The following PRR16 variants were observed in gnomAD, a reference collection of about 807,000 sequenced individuals.
PRR16 encodes proline rich 16.
In PRR16, 6 loss-of-function variants were observed where a neutral mutation model predicts 18.2. The ratio of observed to expected loss-of-function variants is 0.33; its 90% CI spans 0.18 to 0.65. The LOEUF (loss-of-function observed/expected upper bound fraction) is 0.65. PRR16 is among the 30% of genes least tolerant of loss of function. The probability of loss-of-function intolerance (pLI) is 0.74; values close to 1 mark genes in which losing one functional copy is unlikely to be tolerated. For synonymous variants in PRR16, 151 were observed against 147.8 expected (o/e 1.02, Z -0.16); for missense variants, 412 against 376.6 (o/e 1.09, Z -0.78).
chr5:120,643,197 AC>A (rs60833257), intron 1 of PRR16, among the ~76,000 whole-genome samples: 65,903 of 150,274 alleles, frequency 0.44, 14,924 homozygotes, highest in Middle Eastern at 0.56. Flanking sequence ...CTAAAAAAAA[AC>A]AAAACAAAAC....
At chr5:120,532,781 GA>G (rs1306553769) in intron 1 of PRR16, among the ~76,000 whole-genome samples, 2 of 151,648 alleles carry the variant, frequency 1.3e-5, no homozygotes. Flanking sequence ...GAATTTTTAG[GA>G]AAAAATTCAC....
chr5:120,769,919 A>C, the PRR16 span, among the ~76,000 whole-genome samples: 1 of 147,410 alleles, frequency 6.8e-6, no homozygotes, highest in Non-Finnish European at 1.5e-5. Flanking sequence ...GTGTGAGGTG[A>C]TATTTCGTTG....
the PRR16 span, among the ~76,000 whole-genome samples, chr5:120,767,052 C>CTTGT: frequency 6.6e-6 from 1 of 151,908 alleles, no homozygotes; most frequent in Admixed American, 6.6e-5. Flanking sequence ...TGTATCCATT[C>CTTGT]TTTAAGTTAC....
At chr5:120,763,765 T>G in the PRR16 span, among the ~76,000 whole-genome samples, 34 of 152,254 alleles carry the variant, frequency 2.2e-4, no homozygotes, top group East Asian at 6.4e-3. Flanking sequence ...TAGAGGTGTT[T>G]CACTTTCTTG....
At chr5:120,513,830 C>T (rs1750904441) in intron 1 of PRR16, among the ~76,000 whole-genome samples, 1 of 151,242 alleles carries the variant, frequency 6.6e-6, no homozygotes, top group South Asian at 2.1e-4. Context: ...ATGATCTCTG[C>T]TCATTGCAAC....
At chr5:120,792,230 A>C in the PRR16 span, among the ~76,000 whole-genome samples, 3 of 152,210 alleles carry the variant, frequency 2.0e-5, no homozygotes, top group Non-Finnish European at 2.9e-5. Context: ...AATGTCTAAA[A>C]GACTGCAAAT....
chr5:120,711,434 A>G, the PRR16 span, among the ~76,000 whole-genome samples: 1 of 152,212 alleles, frequency 6.6e-6, no homozygotes, highest in Non-Finnish European at 1.5e-5. Context: ...GAATGAAAAC[A>G]ATATGAGGTA....
chr5:120,486,605 A>G (rs981247874), intron 1 of PRR16, among the ~76,000 whole-genome samples: 1 of 151,800 alleles, frequency 6.6e-6, no homozygotes, highest in Non-Finnish European at 1.5e-5. Context: ...TTGCCTGTTC[A>G]CTCTGATGGT....
At chr5:120,752,101 C>A in the PRR16 span, among the ~76,000 whole-genome samples, 1 of 152,088 alleles carries the variant, frequency 6.6e-6, no homozygotes, top group South Asian at 2.1e-4. Context: ...TTATTACAGT[C>A]ATACACAGTT....
chr5:120,474,513 C>T (rs868021906), intron 1 of PRR16, among the ~76,000 whole-genome samples: 1 of 152,142 alleles, frequency 6.6e-6, no homozygotes, highest in South Asian at 2.1e-4. Context: ...GTTTTTGCTA[C>T]CTACCTTTTT....
At chr5:120,726,737 C>T in the PRR16 span, among the ~76,000 whole-genome samples, 412 of 152,092 alleles carry the variant, frequency 2.7e-3, 1 homozygote, top group African/African-American at 9.6e-3. Context: ...TATCTATTGC[C>T]TCTTCTGACT....
chr5:120,682,080 C>T (rs1438017259), intron 1 of PRR16, among the ~76,000 whole-genome samples: 1 of 152,164 alleles, frequency 6.6e-6, no homozygotes, highest in African/African-American at 2.4e-5. Flanking sequence ...CTCAAAGGCT[C>T]TCACAGGATA....
At chr5:120,640,949 T>C (rs1755401572) in intron 1 of PRR16, among the ~76,000 whole-genome samples, 1 of 152,128 alleles carries the variant, frequency 6.6e-6, no homozygotes, top group Non-Finnish European at 1.5e-5. Context: ...CTGCAGAGCC[T>C]AGAGGCAGTG....
At chr5:120,653,563 C>T (rs932280998) in intron 1 of PRR16, among the ~76,000 whole-genome samples, 2 of 151,830 alleles carry the variant, frequency 1.3e-5, no homozygotes, top group African/African-American at 4.8e-5. Flanking sequence ...AGAGATAAAT[C>T]TTAATCAGAG....
the PRR16 span, among the ~76,000 whole-genome samples, chr5:120,783,042 G>C: frequency 6.6e-6 from 1 of 152,142 alleles, no homozygotes; most frequent in South Asian, 2.1e-4. Context: ...TGGATGTACA[G>C]ATTCCTTAGG....
chr5:120,482,635 G>T (rs1749657642), intron 1 of PRR16, among the ~76,000 whole-genome samples: 2 of 152,198 alleles, frequency 1.3e-5, no homozygotes, highest in South Asian at 2.1e-4. Flanking sequence ...TTTTCTTTTG[G>T]ATATATACCT....
chr5:120,777,879 ATTAAG>A, the PRR16 span, among the ~76,000 whole-genome samples: 1 of 152,128 alleles, frequency 6.6e-6, no homozygotes, highest in Non-Finnish European at 1.5e-5. Context: ...AAGAGAAAAT[ATTAAG>A]TTGACTTTAT....
the PRR16 span, among the ~76,000 whole-genome samples, chr5:120,785,569 G>GTTTTTTT: frequency 9.0e-5 from 9 of 99,600 alleles, no homozygotes; most frequent in African/African-American, 3.4e-4. Context: ...GTGTTTTGTT[G>GTTTTTTT]TTGTTGTTTT....
At chr5:120,705,472 G>A in the PRR16 span, among the ~76,000 whole-genome samples, 3 of 151,954 alleles carry the variant, frequency 2.0e-5, no homozygotes, top group African/African-American at 7.2e-5. Context: ...GGAAATAGAA[G>A]TCAATTTTCA....
Sources: allele counts gnomAD v4.1 joint callset (sites outside exome capture counted in the v4.1 genomes callset), GRCh38; gene constraint gnomAD v4.1.1; transcripts MANE v1.5; gene names NCBI Gene and HGNC (gene_info 2026-07-23, HGNC 2026-07-21).